EPN1: variants seen among roughly 807,000 people sequenced by gnomAD.
The protein encoded by EPN1 is epsin 1.
A neutral mutation model predicts 56.9 loss-of-function variants in EPN1; 25 were observed. That is an observed-to-expected ratio of 0.44 (90% CI 0.32 to 0.61). The LOEUF is 0.61. Ranked by LOEUF, EPN1 falls within the 20% of genes least tolerant of loss-of-function variation. EPN1 has a pLI of 0.05. For synonymous variants in EPN1, 411 were observed against 361.8 expected, an observed-to-expected ratio of 1.14 and a Z score of -1.54; for missense variants, 785 against 823.7, an observed-to-expected ratio of 0.95 and a Z score of 0.58.
At chr19:55,683,752 CT>C (rs1356162000) in intron 2 of EPN1, among the ~76,000 whole-genome samples, 4 of 152,220 alleles carry the variant, frequency 2.6e-5, no homozygotes, top group African/African-American at 7.2e-5. Context: ...GCACTATTTC[CT>C]GCTTCACAAT....
chr19:55,697,120 C>T lies in EPN1; in HGVS notation c.*1764C>T, dbSNP rs1986939823. The T allele has an allele frequency of 6.6e-6, 1 of 152,192 alleles. No homozygotes were observed. Among genetic ancestry groups the T allele is most frequent in the Non-Finnish European group, 1.5e-5 (1 of 68,042 alleles). The allele number at this position is 152,192 out of a possible 1,614,324, so 9.4% of individuals were successfully genotyped here. On this transcript the variant is annotated 3_prime_UTR_variant, in exon 11 of 11. Coordinates refer to ENST00000270460, the MANE Select transcript of EPN1 (RefSeq NM_001130072.2). ...GGTATGTTGTGGGAGAGTCATTTCCCAGGAGGAAATGGGGACTGTTACCGG... is the reference window on the plus strand; with the variant it reads ...GGTATGTTGTGGGAGAGTCATTTCCTAGGAGGAAATGGGGACTGTTACCGG...
Position 55,689,991 on chromosome 19 carries a change from G to T in EPN1, c.762+41G>T. 5.2e-6 allele frequency: 8 copies of T among 1,529,062 alleles called. No homozygotes were observed. Among genetic ancestry groups the T allele is most frequent in the Non-Finnish European group, 7.1e-6 (8 of 1,127,184 alleles). The allele number at this position is 1,529,062 out of a possible 1,614,324, so 94.7% of individuals were successfully genotyped here. ...TCTGCCCTCCCTGGCCCCTGCAGGT[G>T]TCCGTCCGTCCCATCGCTCATTCCT... On this transcript the variant is annotated intron_variant, in intron 6 of 10. Transcript: ENST00000270460. The surrounding 1 kb of genome is among the most constrained non-coding windows in gnomAD (Gnocchi z 5.7).
Position 55,699,298 on chromosome 19 carries a change from C to G in EPN1, c.*3942C>G, listed in dbSNP as rs1037525333. On this transcript the variant is annotated 3_prime_UTR_variant, in exon 11 of 11. Transcript: ENST00000270460. ...AGTTTCTGTGCCCATTCCCAGGCACCTTCTTGCAGCCGCAGGCATCTCCCC... is the reference window on the plus strand; with the variant it reads ...AGTTTCTGTGCCCATTCCCAGGCACGTTCTTGCAGCCGCAGGCATCTCCCC... 3 of 152,166 alleles carry G rather than the reference C, an allele frequency of 2.0e-5. No individual in the cohort carries two copies. Among genetic ancestry groups the G allele is most frequent in the Non-Finnish European group, 2.9e-5 (2 of 68,046 alleles). The allele number at this position is 152,166 out of a possible 1,614,324, so 9.4% of individuals were successfully genotyped here. A position where few individuals can be genotyped will look rare whatever the true frequency, so the allele number is the denominator to read the frequency against.
In EPN1 at chr19:55,692,809, G is replaced by T; in HGVS notation, c.1177+13G>T. ...AATGGCACAACAGGTACTGGAATGG[G>T]GGTGGGAATGGAGCCCCGGGTGGGA... On this transcript the variant is annotated intron_variant, in intron 8 of 10. Transcript: ENST00000270460. The T allele has an allele frequency of 6.3e-7, 1 of 1,592,802 alleles. No homozygotes were observed. The highest frequency in any genetic ancestry group is 8.6e-7 in the Non-Finnish European group (1 of 1,166,900).
chr19:55,695,041 G>A lies in EPN1; in HGVS notation c.1522+58G>A, dbSNP rs924884584. On this transcript the variant is annotated intron_variant, in intron 10 of 10. Coordinates refer to ENST00000270460, the MANE Select transcript of EPN1 (RefSeq NM_001130072.2). The surrounding 1 kb of genome is among the most constrained non-coding windows in gnomAD (Gnocchi z 4.4). ...TCCTGTGGGTTCCACCAGAGGAGGTGCCTCACGGGGCAGGGACACTTCGCC... is the reference window on the plus strand; with the variant it reads ...TCCTGTGGGTTCCACCAGAGGAGGTACCTCACGGGGCAGGGACACTTCGCC... 7.6e-6 allele frequency: 12 copies of A among 1,575,642 alleles called. No individual in the cohort carries two copies. The highest frequency in any genetic ancestry group is 3.3e-4 in the Middle Eastern group (2 of 5,974).
intron 1 of EPN1, 98 bp from the exon 2 acceptor site, chr19:55,678,429 A>G: frequency 8.2e-7 from 1 of 1,226,226 alleles, no homozygotes; most frequent in Non-Finnish European, 1.1e-6. Flanking sequence ...CAAGGGACAG[A>G]GCCTTCTGGG....
In EPN1 at chr19:55,701,755, CAGG is replaced by C. The variant is rs1202941447; in HGVS notation, c.*6402_*6404del. On this transcript the variant is annotated 3_prime_UTR_variant, in exon 11 of 11. Coordinates refer to ENST00000270460, the MANE Select transcript of EPN1 (RefSeq NM_001130072.2). ...GATGCACACAGAGTGAGATTTGGAG[CAGG>C]AGTTTAATAGGCAAAAGGAAGAAAC... is the stretch of plus-strand genomic sequence containing the variant. 1 of 152,010 alleles carries C rather than the reference CAGG, an allele frequency of 6.6e-6. No homozygotes were observed. The highest frequency in any genetic ancestry group is 1.5e-5 in the Non-Finnish European group (1 of 68,016). 9.4% of individuals were successfully genotyped at this position (152,010 alleles called of 1,614,324 possible).
rs1398394100 is a variant in EPN1, at chr19:55,707,146, A to C, written c.*11790A>C. On this transcript the variant is annotated 3_prime_UTR_variant, in exon 11 of 11. Transcript: ENST00000270460. ...CAGTGAGCCGAGATTGTGCCACTGC[A>C]CTCCAGCCTGGGCGAGCAACAGAGT... The C allele has an allele frequency of 6.6e-6, 1 of 150,694 alleles. No individual in the cohort carries two copies. The highest frequency in any genetic ancestry group is 6.7e-5 in the Admixed American group (1 of 15,036). 9.3% of individuals were successfully genotyped at this position (150,694 alleles called of 1,614,324 possible).
chr19:55,709,392 AAC>A lies in EPN1; in HGVS notation c.*14038_*14039del, dbSNP rs1475598811. ...ATAATGTGCTTGCTTAAAAAAAAAA[AAC>A]ATGAGCTTTTCTCAGAGACACTAAT... is the stretch of plus-strand genomic sequence containing the variant. On this transcript the variant is annotated 3_prime_UTR_variant, in exon 11 of 11. Transcript: ENST00000270460. 1.3e-5 allele frequency: 2 copies of A among 158,082 alleles called. No homozygotes were observed. The highest frequency in any genetic ancestry group is 3.7e-4 in the East Asian group (2 of 5,394). 9.8% of individuals were successfully genotyped at this position (158,082 alleles called of 1,614,324 possible).
At chr19:55,692,253 C>T (rs1021149219) in intron 7 of EPN1, among the ~76,000 whole-genome samples, 196 bp downstream of exon 7, 17 of 151,424 alleles carry the variant, frequency 1.1e-4, no homozygotes, top group African/African-American at 4.1e-4. Flanking sequence ...CCTTGGAGGA[C>T]ATGGGGGGTG....
Position 55,678,721 on chromosome 19 carries a change from C to T in EPN1, c.94C>T (p.Pro32Ser). 6.2e-7 allele frequency: 1 copy of T among 1,614,198 alleles called. No individual in the cohort carries two copies. The highest frequency in any genetic ancestry group is 8.5e-7 in the Non-Finnish European group (1 of 1,180,032). The change falls in exon 2 of 11, where the codon CCC (proline) becomes TCC (serine). Residue 32 changes from proline to serine, a missense_variant. Coordinates refer to ENST00000270460, the MANE Select transcript of EPN1 (RefSeq NM_001130072.2). ...IKVREATSND[P>S]WGPSSSLMSE... ...GGTTCGAGAGGCCACGAGCAATGAC[C>T]CCTGGGGCCCATCCAGCTCCCTCAT...
Position 55,705,828 on chromosome 19 carries a change from T to TG in EPN1, c.*10472_*10473insG, listed in dbSNP as rs1568587469. The TG allele has an allele frequency of 1.6e-5, 2 of 123,360 alleles. No homozygotes were observed. The highest frequency in any genetic ancestry group is 3.3e-5 in the Non-Finnish European group (2 of 60,096). The allele number at this position is 123,360 out of a possible 1,614,324, so 7.6% of individuals were successfully genotyped here. A position where few individuals can be genotyped will look rare whatever the true frequency, so the allele number is the denominator to read the frequency against. On this transcript the variant is annotated 3_prime_UTR_variant, in exon 11 of 11. Transcript: ENST00000270460. ...TGTGGGATATATATATATATATATATTTAGAGTGTTGTGGGATATATATAT... is the reference window on the plus strand; with the variant it reads ...TGTGGGATATATATATATATATATATGTTAGAGTGTTGTGGGATATATATAT...
Position 55,692,679 on chromosome 19 carries a change from C to T in EPN1, c.1067-7C>T. On this transcript the variant is annotated splice_region_variant and splice_polypyrimidine_tract_variant and intron_variant, in intron 7 of 10. Transcript: ENST00000270460. ...CCAGCCCCTCATGCTCTTCTGTCCTCACCCAGGTGGGGTCCCGGTCAGTGG... is the reference window on the plus strand; with the variant it reads ...CCAGCCCCTCATGCTCTTCTGTCCTTACCCAGGTGGGGTCCCGGTCAGTGG... 3 of 1,524,722 alleles carry T rather than the reference C, an allele frequency of 2.0e-6. No homozygotes were observed. The highest frequency in any genetic ancestry group is 2.5e-5 in the East Asian group (1 of 40,746). The allele number at this position is 1,524,722 out of a possible 1,614,324, so 94.4% of individuals were successfully genotyped here. A position where few individuals can be genotyped will look rare whatever the true frequency, so the allele number is the denominator to read the frequency against.
At position 55,708,092 on chromosome 19, in the gene EPN1, T is replaced by C. The variant is rs1987517461; in HGVS notation, c.*12736T>C. On this transcript the variant is annotated 3_prime_UTR_variant, in exon 11 of 11. Coordinates refer to ENST00000270460, the MANE Select transcript of EPN1 (RefSeq NM_001130072.2). ...ACTCTACATTGAAGATTATAGAAAA[T>C]TCAGCCTCCCAAATATCCAAAGAAT... is the stretch of plus-strand genomic sequence containing the variant. 6.6e-6 allele frequency: 1 copy of C among 152,196 alleles called. No individual in the cohort carries two copies. The highest frequency in any genetic ancestry group is 6.5e-5 in the Admixed American group (1 of 15,272). 9.4% of individuals were successfully genotyped at this position (152,196 alleles called of 1,614,324 possible). A position where few individuals can be genotyped will look rare whatever the true frequency, so the allele number is the denominator to read the frequency against.
In EPN1 at chr19:55,677,779, C is replaced by T. The variant is rs1335739772; in HGVS notation, c.-101-748C>T. 6.8e-6 allele frequency: 10 copies of T among 1,461,932 alleles called. No individual in the cohort carries two copies. In the African/African-American group the frequency reaches 1.3e-4, roughly 19 times the overall value. 90.6% of individuals were successfully genotyped at this position (1,461,932 alleles called of 1,614,324 possible). A position where few individuals can be genotyped will look rare whatever the true frequency, so the allele number is the denominator to read the frequency against. ...CTCTGTCTTTAATCCCTTCATCAGC[C>T]TTCTTTCCCATGTGTCCTTGTTTCT... On this transcript the variant is annotated intron_variant, in intron 1 of 10. Coordinates refer to ENST00000270460, the MANE Select transcript of EPN1 (RefSeq NM_001130072.2).
chr19:55,691,195 A>G lies in EPN1; in HGVS notation c.763-559A>G, dbSNP rs1000618920. Among the ~76,000 whole-genome samples, 5 of 151,978 alleles carry G rather than the reference A, an allele frequency of 3.3e-5. No homozygotes were observed. The highest frequency in any genetic ancestry group is 2.1e-4 in the South Asian group (1 of 4,806). ...ATGACTGCGGGGTGACAGTGGGGCA[A>G]TGGGCGTGGGAAGGCCTGCAGCGCG... is the stretch of plus-strand genomic sequence containing the variant. On this transcript the variant is annotated intron_variant, in intron 6 of 10. Coordinates refer to ENST00000270460, the MANE Select transcript of EPN1 (RefSeq NM_001130072.2). This position sits in a 1 kb window ranked among gnomAD's most constrained non-coding sequence, Gnocchi z 5.6.
At position 55,696,637 on chromosome 19, in the gene EPN1, A is replaced by G. The variant is rs964031265; in HGVS notation, c.*1281A>G. On this transcript the variant is annotated 3_prime_UTR_variant, in exon 11 of 11. Coordinates refer to ENST00000270460, the MANE Select transcript of EPN1 (RefSeq NM_001130072.2). Reference sequence around the variant, plus strand: ...CGCTCTGGGCTCAGGGTGGGGCCAGACAGCTACATCACAGGGACACTTGTT... The same window carrying G: ...CGCTCTGGGCTCAGGGTGGGGCCAGGCAGCTACATCACAGGGACACTTGTT... 3 of 152,370 alleles carry G rather than the reference A, an allele frequency of 2.0e-5. No homozygotes were observed. Among genetic ancestry groups the G allele is most frequent in the African/African-American group, 7.2e-5 (3 of 41,450 alleles). 9.4% of individuals were successfully genotyped at this position (152,370 alleles called of 1,614,324 possible). A position where few individuals can be genotyped will look rare whatever the true frequency, so the allele number is the denominator to read the frequency against.
At position 55,702,046 on chromosome 19, in the gene EPN1, C is replaced by T. The variant is rs1423362827; in HGVS notation, c.*6690C>T. The T allele has an allele frequency of 6.7e-6, 1 of 148,846 alleles. No homozygotes were observed. Among genetic ancestry groups the T allele is most frequent in the Non-Finnish European group, 1.5e-5 (1 of 67,752 alleles). 9.2% of individuals were successfully genotyped at this position (148,846 alleles called of 1,614,324 possible). ...GTGTCATCTTGGCTCACTGCAACCT[C>T]CGCCTCCCAGGTTCAAGCAATTCTC... is the stretch of plus-strand genomic sequence containing the variant. On this transcript the variant is annotated 3_prime_UTR_variant, in exon 11 of 11. Coordinates refer to ENST00000270460, the MANE Select transcript of EPN1 (RefSeq NM_001130072.2).
In EPN1 at chr19:55,689,350, G is replaced by C; in HGVS notation, c.657G>C (p.Leu219Phe). 1.9e-6 allele frequency: 3 copies of C among 1,551,744 alleles called. No homozygotes were observed. Among genetic ancestry groups the C allele is most frequent in the Non-Finnish European group, 2.6e-6 (3 of 1,146,976 alleles). ...CCCAGCTCCAGCTGGCCCTTAGTTT[G>C]AGCCGAGAAGAGCATGATAAGGTCA... Reference protein sequence around the residue: ...DDAQLQLALSLSREEHDKEER... With the variant: ...DDAQLQLALSFSREEHDKEER... Residue 219 changes from leucine to phenylalanine, a missense_variant, in exon 5 of 11, where the codon TTG (leucine) becomes TTC (phenylalanine). Leu to Phe is a conservative substitution (Grantham distance 22, BLOSUM62 0). Coordinates refer to ENST00000270460, the MANE Select transcript of EPN1 (RefSeq NM_001130072.2). This position sits in a 1 kb window ranked among gnomAD's most constrained non-coding sequence, Gnocchi z 5.7.
Sources: allele counts gnomAD v4.1 joint callset (sites outside exome capture counted in the v4.1 genomes callset), GRCh38; gene constraint gnomAD v4.1.1; non-coding constraint Gnocchi (gnomAD v3.1); transcripts MANE v1.5; gene names NCBI Gene and HGNC (gene_info 2026-07-23, HGNC 2026-07-21).